The following RNF217 variants were observed in gnomAD, a reference collection of about 807,000 sequenced individuals.
RNF217 encodes the protein E3 ubiquitin-protein ligase RNF217.
In RNF217, 31 loss-of-function variants were observed where a neutral mutation model predicts 57.8. The ratio of observed to expected loss-of-function variants is 0.54; its 90% CI spans 0.40 to 0.72. The LOEUF (loss-of-function observed/expected upper bound fraction) is 0.72, where lower values mean the gene tolerates loss of function less well. Ranked by LOEUF, RNF217 falls within the 30% of genes least tolerant of loss-of-function variation. RNF217 has a pLI of 0.00. For synonymous variants in RNF217, 313 were observed against 294.0 expected (o/e 1.06, Z -0.66); for missense variants, 696 against 708.3 (o/e 0.98, Z 0.20).
chr6:124,986,483 C>T (rs1323460063), intron 1 of RNF217, among the ~76,000 whole-genome samples: 1 of 152,178 alleles, frequency 6.6e-6, no homozygotes, highest in Non-Finnish European at 1.5e-5. Context: ...TGTCTTCAGC[C>T]TTTGCTTTAA....
intron 1 of RNF217, among the ~76,000 whole-genome samples, chr6:125,030,413 CCCTT>C (rs1786303846): frequency 6.6e-6 from 1 of 152,150 alleles, no homozygotes; most frequent in Non-Finnish European, 1.5e-5. Context: ...CAAGGCAACT[CCCTT>C]CCTCCTAAGA....
At chr6:125,018,057 A>G (rs1330881789) in intron 1 of RNF217, among the ~76,000 whole-genome samples, 1 of 152,204 alleles carries the variant, frequency 6.6e-6, no homozygotes, top group East Asian at 1.9e-4. Flanking sequence ...AACACTAGCT[A>G]TTCAATAATT....
intron 1 of RNF217, among the ~76,000 whole-genome samples, chr6:124,968,253 A>C (rs1479419629): frequency 6.6e-6 from 1 of 152,098 alleles, no homozygotes; most frequent in Non-Finnish European, 1.5e-5. Flanking sequence ...TGAGACTGAA[A>C]TCTGTTTTGA....
At chr6:125,007,696 T>C (rs903912178) in intron 1 of RNF217, among the ~76,000 whole-genome samples, 1 of 152,234 alleles carries the variant, frequency 6.6e-6, no homozygotes, top group African/African-American at 2.4e-5. Context: ...CACTGTCTTA[T>C]AGTCATCCTT....
intron 1 of RNF217, chr6:124,983,326 T>C: frequency 1.0e-6 from 1 of 972,890 alleles, no homozygotes; most frequent in Non-Finnish European, 1.2e-6. Context: ...GTTTTCATGG[T>C]AACTAAGATG....
rs1432644379 is a variant in RNF217 at position 125,058,057 on chromosome 6, G to A, written c.1232G>A (p.Ser411Asn). Residue 411 changes from serine to asparagine, a missense_variant, in exon 3 of 6, where the codon AGC becomes AAC. Physicochemically the swap from Ser to Asn is conservative, Grantham distance 46. Around this residue, in one of 2 missense-constraint regions of RNF217, gnomAD observed 231 missense variants for 321.4 expected, o/e 0.72. Transcript: ENST00000521654. ...GACAAATTGTTGCGTCACTGGGCCAGCGAAATTGAGCATGGGCAGAGGAAT... is the reference window on the plus strand; with the variant it reads ...GACAAATTGTTGCGTCACTGGGCCAACGAAATTGAGCATGGGCAGAGGAAT... ...KGDKLLRHWA[S>N]EIEHGQRNAQ... is the part of the protein sequence containing the mutation. 1 of 1,613,362 alleles carries A rather than the reference G, an allele frequency of 6.2e-7. No individual in the cohort carries two copies. Among genetic ancestry groups the A allele is most frequent in the Non-Finnish European group, 8.5e-7 (1 of 1,179,680 alleles).
intron 1 of RNF217, among the ~76,000 whole-genome samples, chr6:124,990,107 C>T (rs774387625): frequency 2.0e-5 from 3 of 152,192 alleles, no homozygotes; most frequent in Non-Finnish European, 2.9e-5. Flanking sequence ...TCACTCTATC[C>T]TCCTTGAAAT....
intron 2 of RNF217, among the ~76,000 whole-genome samples, chr6:125,056,145 A>G (rs1034394116): frequency 2.0e-5 from 3 of 152,162 alleles, no homozygotes; most frequent in African/African-American, 7.2e-5. Flanking sequence ...TAAGTTGTCA[A>G]TTGTCAAAGA....
chr6:125,082,322 A>T, intron 5 of RNF217: 1 of 922,128 alleles, frequency 1.1e-6, no homozygotes, highest in Non-Finnish European at 1.5e-6. Context: ...TGATTTTCGT[A>T]TGTCAACTTG....
chr6:125,036,083 T>C (rs1786602602), intron 1 of RNF217, among the ~76,000 whole-genome samples: 1 of 151,850 alleles, frequency 6.6e-6, no homozygotes, highest in African/African-American at 2.4e-5. Flanking sequence ...CCTTGCCCCC[T>C]ACCCCCTGAC....
At chr6:124,996,528 G>C (rs1414485759) in intron 1 of RNF217, 3 of 152,036 alleles carry the variant, frequency 2.0e-5, no homozygotes, top group Admixed American at 6.6e-5. Flanking sequence ...TTTATGAAGA[G>C]TTTTAATTAT....
At chr6:124,967,914 G>C (rs1383961622) in intron 1 of RNF217, among the ~76,000 whole-genome samples, 1 of 152,072 alleles carries the variant, frequency 6.6e-6, no homozygotes, top group Non-Finnish European at 1.5e-5. Context: ...GAGTAGCTGG[G>C]ATTACAGGTG....
intron 1 of RNF217, among the ~76,000 whole-genome samples, chr6:124,986,518 A>G (rs2115029923): frequency 6.6e-6 from 1 of 152,326 alleles, no homozygotes; most frequent in East Asian, 1.9e-4. Context: ...TGTATGCCCT[A>G]TCTTTATGTT....
intron 1 of RNF217, among the ~76,000 whole-genome samples, chr6:125,015,280 G>T (rs190795612): frequency 1.4e-4 from 22 of 152,236 alleles, no homozygotes; most frequent in Non-Finnish European, 2.5e-4. Flanking sequence ...TTCATTAGAT[G>T]TATTGATTTT....
rs1159317509 is a variant in RNF217, at chr6:125,085,037, G to T, written c.*2100G>T. The T allele has an allele frequency of 1.3e-5, 2 of 151,764 alleles. No homozygotes were observed. Among genetic ancestry groups the T allele is most frequent in the African/African-American group, 4.8e-5 (2 of 41,370 alleles). The allele number at this position is 151,764 out of a possible 1,614,324, so 9.4% of individuals were successfully genotyped here. A position where few individuals can be genotyped will look rare whatever the true frequency, so the allele number is the denominator to read the frequency against. On this transcript the variant is annotated 3_prime_UTR_variant, in exon 6 of 6. Transcript: ENST00000521654. ...TATGATGTATATATGTCATATGTAT[G>T]ATATATATGAAATATTCCCATAACT... is the stretch of plus-strand genomic sequence containing the variant.
At chr6:125,051,858 G>A (rs1312734638) in intron 2 of RNF217, among the ~76,000 whole-genome samples, 1 of 152,014 alleles carries the variant, frequency 6.6e-6, no homozygotes, top group African/African-American at 2.4e-5. Flanking sequence ...CAGGACTTTG[G>A]GCTATGCAAA....
At chr6:125,039,209 C>T (rs1786774508) in intron 1 of RNF217, among the ~76,000 whole-genome samples, 1 of 152,050 alleles carries the variant, frequency 6.6e-6, no homozygotes, top group Non-Finnish European at 1.5e-5. Flanking sequence ...CATAGTATTC[C>T]ATGGTGCATA....
rs77905247 is a variant in RNF217 at position 125,011,578 on chromosome 6, A to G, written c.883-33633A>G. On this transcript the variant is annotated intron_variant, in intron 1 of 5. Transcript: ENST00000521654. ...AAATATAATTACTTGGAAAAAAATC[A>G]CTCGGTTAATGTCTGAAAGCATCTA... 1.5e-3 allele frequency among the ~76,000 whole-genome samples: 233 copies of G among 152,224 alleles called. 1 individual carries two copies. Among genetic ancestry groups the G allele is most frequent in the Non-Finnish European group, 2.5e-3 (169 of 68,010 alleles).
chr6:124,975,343 C>T (rs976439995), intron 1 of RNF217, among the ~76,000 whole-genome samples: 3 of 152,242 alleles, frequency 2.0e-5, no homozygotes, highest in East Asian at 1.9e-4. Context: ...AATTTATGTT[C>T]GTCTAAGTAG....
Sources: allele counts gnomAD v4.1 joint callset (sites outside exome capture counted in the v4.1 genomes callset), GRCh38; gene constraint gnomAD v4.1.1; regional missense constraint gnomAD v4.1.1; transcripts MANE v1.5; gene names NCBI Gene and HGNC (gene_info 2026-07-23, HGNC 2026-07-21).